The following GPHN variants were observed in gnomAD, a reference collection of about 807,000 sequenced individuals.
GPHN encodes the protein gephyrin.
In GPHN, 17 loss-of-function variants were observed where a neutral mutation model predicts 95.5. That is an observed-to-expected ratio of 0.18 (90% CI 0.12 to 0.27). The LOEUF is 0.27. GPHN is among the 10% of genes least tolerant of loss of function. GPHN has a pLI of 1.00. For synonymous variants in GPHN, 320 were observed against 322.5 expected (o/e 0.99, Z 0.08); for missense variants, 660 against 978.1 (o/e 0.67, Z 4.34).
intron 1 of GPHN, among the ~76,000 whole-genome samples, chr14:66,561,110 T>C (rs994036937): frequency 8.5e-5 from 13 of 152,188 alleles, no homozygotes; most frequent in Non-Finnish European, 1.3e-4. Context: ...TCATGATGGA[T>C]AAGCTTTTTG....
the GPHN span, among the ~76,000 whole-genome samples, chr14:67,655,292 A>G: frequency 6.6e-6 from 1 of 152,110 alleles, no homozygotes; most frequent in Non-Finnish European, 1.5e-5. Context: ...GCACTGCTGC[A>G]CTCCAGCCTG....
chr14:67,133,044 A>G (rs2079822524), intron 17 of GPHN, among the ~76,000 whole-genome samples: 1 of 152,138 alleles, frequency 6.6e-6, no homozygotes, highest in Non-Finnish European at 1.5e-5. Context: ...CCATGGTCCC[A>G]GAACACCCAG....
the GPHN span, among the ~76,000 whole-genome samples, chr14:67,408,456 G>C: frequency 6.6e-6 from 1 of 152,170 alleles, no homozygotes; most frequent in Non-Finnish European, 1.5e-5. Flanking sequence ...CTGTAAGTGT[G>C]ATGTTATTTG....
At chr14:67,463,410 C>T in the GPHN span, among the ~76,000 whole-genome samples, 2 of 152,064 alleles carry the variant, frequency 1.3e-5, no homozygotes, top group Non-Finnish European at 2.9e-5. Flanking sequence ...GAGGCTGAGG[C>T]GGGTGGATCA....
At chr14:66,973,673 C>T (rs938914739) in intron 9 of GPHN, among the ~76,000 whole-genome samples, 3 of 152,080 alleles carry the variant, frequency 2.0e-5, no homozygotes, top group African/African-American at 4.8e-5. Context: ...GCAGGAGAAT[C>T]GCTTGAACCC....
chr14:67,091,535 A>C (rs938938525), intron 12 of GPHN, among the ~76,000 whole-genome samples: 5 of 152,054 alleles, frequency 3.3e-5, no homozygotes, highest in Admixed American at 3.3e-4. Context: ...GCAAACAGCT[A>C]CAGTAGATGA....
At chr14:67,386,622 C>G in the GPHN span, 1 of 152,196 alleles carries the variant, frequency 6.6e-6, no homozygotes, top group Non-Finnish European at 1.5e-5. Context: ...AATTTAATGC[C>G]TTGATATAAA....
chr14:66,828,248 A>C (rs1477453545), intron 4 of GPHN, among the ~76,000 whole-genome samples: 5 of 151,980 alleles, frequency 3.3e-5, no homozygotes, highest in Non-Finnish European at 5.9e-5. Flanking sequence ...GCAAACATAA[A>C]ATCAATATAG....
intron 10 of GPHN, among the ~76,000 whole-genome samples, chr14:67,048,510 C>T (rs770016464): frequency 3.9e-5 from 6 of 152,162 alleles, no homozygotes; most frequent in Non-Finnish European, 7.4e-5. Context: ...GAAAAGTAAA[C>T]CCATTGCAGG....
At chr14:66,694,108 C>A (rs1046683174) in intron 2 of GPHN, among the ~76,000 whole-genome samples, 2 of 152,040 alleles carry the variant, frequency 1.3e-5, no homozygotes, top group African/African-American at 4.8e-5. Flanking sequence ...TGAAGCTTAA[C>A]CCCCGATGTG....
At chr14:66,965,431 C>A in intron 9 of GPHN, 106 bp downstream of exon 9, 1 of 1,045,762 alleles carries the variant, frequency 9.6e-7, no homozygotes, top group Non-Finnish European at 1.5e-6. Flanking sequence ...TGCAAGATTA[C>A]ACTGTGAAAA....
At chr14:67,694,172 C>A in the GPHN span, among the ~76,000 whole-genome samples, 2 of 152,086 alleles carry the variant, frequency 1.3e-5, no homozygotes, top group African/African-American at 4.8e-5. Flanking sequence ...ATTGAAGCTA[C>A]CTGCATAGTG....
At chr14:67,193,279 T>G in the GPHN span, among the ~76,000 whole-genome samples, 12 of 138,786 alleles carry the variant, frequency 8.6e-5, no homozygotes, top group Non-Finnish European at 1.7e-4. Context: ...TATCTATATA[T>G]CTCTATATAG....
chr14:66,738,600 AT>A (rs1425049770), intron 2 of GPHN, among the ~76,000 whole-genome samples: 1 of 152,200 alleles, frequency 6.6e-6, no homozygotes, highest in Non-Finnish European at 1.5e-5. Flanking sequence ...TGTTACTGTC[AT>A]TTAAAAAAAT....
At chr14:67,251,761 G>A in the GPHN span, among the ~76,000 whole-genome samples, 1 of 152,158 alleles carries the variant, frequency 6.6e-6, no homozygotes, top group Non-Finnish European at 1.5e-5. Context: ...TCTTTTGTTT[G>A]AATGAGGGTG....
chr14:66,970,509 A>C (rs1000942934), intron 9 of GPHN, among the ~76,000 whole-genome samples: 1 of 152,160 alleles, frequency 6.6e-6, no homozygotes, highest in African/African-American at 2.4e-5. Context: ...TCCTTTGTGA[A>C]CACCAGGGTG....
the GPHN span, among the ~76,000 whole-genome samples, chr14:67,533,978 G>C: frequency 6.6e-6 from 1 of 152,018 alleles, no homozygotes; most frequent in Non-Finnish European, 1.5e-5. Flanking sequence ...TCATCTGGAA[G>C]GAAACTCCTC....
chr14:67,555,732 G>A, the GPHN span: 1 of 1,545,448 alleles, frequency 6.5e-7, no homozygotes, highest in Non-Finnish European at 8.8e-7. Flanking sequence ...TGGCCTGTGT[G>A]CAGTGTGTGC....
the GPHN span, among the ~76,000 whole-genome samples, chr14:67,607,363 G>GTTTGTT: frequency 3.3e-5 from 5 of 151,998 alleles, no homozygotes; most frequent in African/African-American, 7.2e-5. Flanking sequence ...AGCTTTGTTT[G>GTTTGTT]TTTGTTTTTG....
Sources: gnomAD v4.1 joint callset for allele counts (sites outside exome capture counted in the v4.1 genomes callset) on GRCh38, gnomAD v4.1.1 for gene constraint, MANE v1.5 for transcripts, NCBI Gene and HGNC (gene_info 2026-07-23, HGNC 2026-07-21) for gene names.